GLCCI1: variants seen among roughly 807,000 people sequenced by gnomAD.
GLCCI1 encodes glucocorticoid-induced transcript 1 protein.
GLCCI1 carries 24 observed loss-of-function variants against 52.2 expected under a neutral mutation model. The ratio of observed to expected loss-of-function variants is 0.46; its 90% CI spans 0.33 to 0.65. The LOEUF (loss-of-function observed/expected upper bound fraction) is 0.65. GLCCI1 is among the 30% of genes least tolerant of loss of function. The pLI is 0.02. For synonymous variants in GLCCI1, 310 were observed against 276.5 expected (o/e 1.12, Z -1.20); for missense variants, 704 against 701.5 (o/e 1.00, Z -0.04).
intron 1 of GLCCI1, among the ~76,000 whole-genome samples, chr7:7,988,924 C>T (rs1780788021): frequency 1.3e-5 from 2 of 152,028 alleles, no homozygotes; most frequent in South Asian, 4.1e-4. Context: ...TGATAAAGAA[C>T]ACTTTCATCC....
Position 8,073,724 on chromosome 7 carries a change from A to T in GLCCI1, c.1177+2593A>T, listed in dbSNP as rs865986371. 4.1e-4 allele frequency among the ~76,000 whole-genome samples: 62 copies of T among 152,290 alleles called. No homozygotes were observed. The Middle Eastern group carries it at 0.021, about 50-fold the overall frequency. On this transcript the variant is annotated intron_variant, in intron 6 of 7. Coordinates refer to ENST00000223145, the MANE Select transcript of GLCCI1 (RefSeq NM_138426.4). ...AATGTTGCTTAATAGTGATTTTTTT[A>T]AAATCTCTTTAGAAGTTATATAGAA...
intron 6 of GLCCI1, among the ~76,000 whole-genome samples, chr7:8,073,692 G>A (rs1782814918): frequency 6.6e-6 from 1 of 152,134 alleles, no homozygotes; most frequent in African/African-American, 2.4e-5. Flanking sequence ...AACAATTAGT[G>A]GTGATGAATG....
chr7:8,078,912 A>C (rs1286734918), intron 6 of GLCCI1, among the ~76,000 whole-genome samples: 1 of 152,250 alleles, frequency 6.6e-6, no homozygotes, highest in Admixed American at 6.5e-5. Context: ...TTCTGCCTAA[A>C]GACATTATAA....
intron 1 of GLCCI1, among the ~76,000 whole-genome samples, chr7:7,986,368 C>G (rs1318941603): frequency 1.1e-5 from 1 of 90,432 alleles, no homozygotes; most frequent in Non-Finnish European, 2.3e-5. Flanking sequence ...AAAAATTAGC[C>G]GGGAGCAGGG....
chr7:7,981,909 A>G, intron 1 of GLCCI1: 1 of 463,508 alleles, frequency 2.2e-6, no homozygotes, highest in Non-Finnish European at 4.4e-6. Flanking sequence ...TAAAAATCAC[A>G]AGAAGAAAAC....
intron 2 of GLCCI1, among the ~76,000 whole-genome samples, chr7:8,006,612 A>G (rs1380293920): frequency 6.6e-6 from 1 of 152,228 alleles, no homozygotes; most frequent in African/African-American, 2.4e-5. Flanking sequence ...AGACCAATAT[A>G]CTATATGTAC....
chr7:7,977,334 A>C (rs1193647928), intron 1 of GLCCI1, among the ~76,000 whole-genome samples: 1 of 152,206 alleles, frequency 6.6e-6, no homozygotes, highest in African/African-American at 2.4e-5. Context: ...TTGTGCTATA[A>C]CTGATTCTAT....
At chr7:8,031,191 G>A (rs916489023) in intron 3 of GLCCI1, among the ~76,000 whole-genome samples, 2 of 152,124 alleles carry the variant, frequency 1.3e-5, no homozygotes, top group African/African-American at 2.4e-5. Flanking sequence ...TATAGACAAA[G>A]CAGTACTATT....
chr7:8,060,020 A>T, intron 4 of GLCCI1, 76 bp from the exon 5 acceptor site: 2 of 1,198,210 alleles, frequency 1.7e-6, no homozygotes, highest in Non-Finnish European at 2.3e-6. Context: ...TTTCAATTTT[A>T]ATATTTACCA....
In GLCCI1 at chr7:8,022,657, T is replaced by C. The variant is rs546094316; in HGVS notation, c.696+88T>C. On this transcript the variant is annotated intron_variant, in intron 3 of 7. Transcript: ENST00000223145. Reference sequence around the variant, plus strand: ...CCTGAATGTAATGACACTTTTAAAATTTATCCTAACCTTACCTCTTTCAGT... The same window carrying C: ...CCTGAATGTAATGACACTTTTAAAACTTATCCTAACCTTACCTCTTTCAGT... 79 of 694,526 alleles carry C rather than the reference T, an allele frequency of 1.1e-4. No individual in the cohort carries two copies. The African/African-American group carries it at 1.5e-3, about 13-fold the overall frequency. The allele number at this position is 694,526 out of a possible 1,614,324, so 43.0% of individuals were successfully genotyped here.
chr7:7,969,873 T>C lies in GLCCI1; in HGVS notation c.457+66T>C. The stretch of plus-strand genomic sequence containing the variant: ...CCCGACGGTGCCCTCCGTGGAAACT[T>C]CAGCCTCTTCGGGCTTCTCTTTGCT... On this transcript the variant is annotated intron_variant, in intron 1 of 7. Transcript: ENST00000223145. This position sits in a 1 kb window ranked among gnomAD's most constrained non-coding sequence, Gnocchi z 4.9. 1 of 1,270,642 alleles carries C rather than the reference T, an allele frequency of 7.9e-7. No homozygotes were observed. Among genetic ancestry groups the C allele is most frequent in the Non-Finnish European group, 1.0e-6 (1 of 994,932 alleles). 78.7% of individuals were successfully genotyped at this position (1,270,642 alleles called of 1,614,324 possible). A position where few individuals can be genotyped will look rare whatever the true frequency, so the allele number is the denominator to read the frequency against.
At chr7:8,080,623 A>G (rs1055691273) in intron 6 of GLCCI1, among the ~76,000 whole-genome samples, 5 of 151,406 alleles carry the variant, frequency 3.3e-5, no homozygotes, top group Non-Finnish European at 7.4e-5. Context: ...TTGTATCTGT[A>G]TGTACCGGAG....
At chr7:8,068,980 C>T (rs561050261) in intron 5 of GLCCI1, among the ~76,000 whole-genome samples, 1 of 152,304 alleles carries the variant, frequency 6.6e-6, no homozygotes, top group Admixed American at 6.5e-5. Context: ...TAAGCTCTTG[C>T]TCAGCCACGT....
chr7:8,030,643 G>A lies in GLCCI1; in HGVS notation c.696+8074G>A, dbSNP rs144163389. Among the ~76,000 whole-genome samples, 65 of 151,626 alleles carry A rather than the reference G, an allele frequency of 4.3e-4. No individual in the cohort carries two copies. In the East Asian group the frequency reaches 0.013, roughly 29 times the overall value. ...ATTTGCAAACTACCCACCTAACAAGGGATTAACAAACAGAATATATAAGGA... is the reference window on the plus strand; with the variant it reads ...ATTTGCAAACTACCCACCTAACAAGAGATTAACAAACAGAATATATAAGGA... On this transcript the variant is annotated intron_variant, in intron 3 of 7. Transcript: ENST00000223145.
intron 5 of GLCCI1, among the ~76,000 whole-genome samples, chr7:8,068,863 CTTA>C (rs1562449156): frequency 6.6e-6 from 1 of 152,170 alleles, no homozygotes; most frequent in East Asian, 1.9e-4. Flanking sequence ...TTGTAGCTGA[CTTA>C]TTGTCCTTAG....
At chr7:7,994,352 A>G (rs1474093006) in intron 1 of GLCCI1, among the ~76,000 whole-genome samples, 1 of 152,226 alleles carries the variant, frequency 6.6e-6, no homozygotes, top group Non-Finnish European at 1.5e-5. Flanking sequence ...ATTAAAATCT[A>G]AATTTAACTT....
chr7:8,006,163 G>A (rs140142186), intron 2 of GLCCI1, among the ~76,000 whole-genome samples: 39 of 152,290 alleles, frequency 2.6e-4, no homozygotes, highest in Middle Eastern at 6.8e-3. Context: ...GAGAAAGAGC[G>A]AAAGGCTAAG....
chr7:8,053,953 G>A (rs1302655595), intron 3 of GLCCI1, among the ~76,000 whole-genome samples: 1 of 151,978 alleles, frequency 6.6e-6, no homozygotes, highest in Non-Finnish European at 1.5e-5. Flanking sequence ...TTGTTAAGTT[G>A]GCTTAGAACA....
At chr7:8,047,334 A>G (rs1292102497) in intron 3 of GLCCI1, among the ~76,000 whole-genome samples, 1 of 152,230 alleles carries the variant, frequency 6.6e-6, no homozygotes, top group African/African-American at 2.4e-5. Context: ...GTACGCGTAT[A>G]CTTTTCCATT....
Sources: gnomAD v4.1 joint callset for allele counts (sites outside exome capture counted in the v4.1 genomes callset) on GRCh38, gnomAD v4.1.1 for gene constraint, Gnocchi (gnomAD v3.1) non-coding constraint, MANE v1.5 for transcripts, NCBI Gene and HGNC (gene_info 2026-07-23, HGNC 2026-07-21) for gene names.